The following PRDM13 variants were observed in gnomAD, a reference collection of about 807,000 sequenced individuals.
PRDM13 encodes PR/SET domain 13.
A neutral mutation model predicts 36.4 loss-of-function variants in PRDM13; 15 were observed. That is an observed-to-expected ratio of 0.41 (90% CI 0.28 to 0.64). PRDM13 has a LOEUF of 0.64. Among genes scored for constraint, PRDM13 ranks in the 30% least tolerant of loss-of-function variants. PRDM13 has a pLI of 0.29. For synonymous variants in PRDM13, 531 were observed against 467.7 expected, an observed-to-expected ratio of 1.14 and a Z score of -1.75; for missense variants, 1,044 against 1,013.5, an observed-to-expected ratio of 1.03 and a Z score of -0.41.
rs753136189 is a variant in PRDM13, at chr6:99,614,610, C to T, written c.1975C>T (p.Leu659Phe). Residue 659 changes from leucine to phenylalanine, a missense_variant, in exon 4 of 4, where the codon CTC becomes TTC. By Grantham distance (22) the Leu-to-Phe change is conservative. This residue lies in a region of PRDM13 where 115 missense variants were observed against 122.1 expected (regional missense o/e 0.94). Transcript: ENST00000369215. Reference protein sequence around the residue: ...VKSRHPGQSLLAKAGDGPGAE... With the variant: ...VKSRHPGQSLFAKAGDGPGAE... Reference sequence around the variant, plus strand: ...GTCCCGCCACCCTGGCCAGAGTCTGCTCGCCAAAGCGGGCGACGGCCCGGG... The same window carrying T: ...GTCCCGCCACCCTGGCCAGAGTCTGTTCGCCAAAGCGGGCGACGGCCCGGG... 15 of 1,612,466 alleles carry T rather than the reference C, an allele frequency of 9.3e-6. No homozygotes were observed. The highest frequency in any genetic ancestry group is 1.3e-5 in the Non-Finnish European group (15 of 1,179,826).
Position 99,611,871 on chromosome 6 carries a change from C to T in PRDM13, c.398-1162C>T, listed in dbSNP as rs78247956. ...CATCTTTCCCTTCAGTATTATCAAT[C>T]AACCACATTTTAAAAGAAACCCAAC... On this transcript the variant is annotated intron_variant, in intron 3 of 3. Coordinates refer to ENST00000369215, the MANE Select transcript of PRDM13 (RefSeq NM_021620.4). 8.5e-3 allele frequency among the ~76,000 whole-genome samples: 1,291 copies of T among 152,272 alleles called. 22 individuals carry two copies. Among genetic ancestry groups the T allele is most frequent in the African/African-American group, 0.029 (1,186 of 41,554 alleles).
At chr6:99,609,807 G>A (rs969312833) in intron 3 of PRDM13, among the ~76,000 whole-genome samples, 1 of 152,048 alleles carries the variant, frequency 6.6e-6, no homozygotes, top group South Asian at 2.1e-4. Flanking sequence ...GATCACTTGA[G>A]CCCAGGAGGT....
rs1278208100 is a variant in PRDM13, at chr6:99,613,283, A to G, written c.648A>G (p.Pro216=). 1.9e-6 allele frequency: 3 copies of G among 1,589,506 alleles called. No individual in the cohort carries two copies. Among genetic ancestry groups the G allele is most frequent in the African/African-American group, 1.3e-5 (1 of 74,474 alleles). The part of the protein sequence containing the change: ...GTLRPHPLGP[P]PVQACGAREG... ...TGCGACCCCACCCCCTGGGCCCGCC[A>G]CCAGTTCAGGCCTGCGGTGCGCGGG... Residue 216 remains proline (P), a synonymous_variant, in exon 4 of 4, where the codon CCA becomes CCG. Transcript: ENST00000369215. This position sits in a 1 kb window ranked among gnomAD's most constrained non-coding sequence, Gnocchi z 6.1.
In PRDM13 at chr6:99,614,060, C is replaced by A; in HGVS notation, c.1425C>A (p.Ala475=). 1 of 1,607,260 alleles carries A rather than the reference C, an allele frequency of 6.2e-7. No homozygotes were observed. The highest frequency in any genetic ancestry group is 8.5e-7 in the Non-Finnish European group (1 of 1,177,814). The change falls in exon 4 of 4, where the codon GCC becomes GCA. Residue 475 remains alanine, a synonymous_variant. Coordinates refer to ENST00000369215, the MANE Select transcript of PRDM13 (RefSeq NM_021620.4). The part of the protein sequence containing the change: ...YNGELLYGSP[A]TTAYYPLKLH... ...GGGAGCTGCTCTACGGCTCACCGGC[C>A]ACCACCGCTTATTACCCGCTCAAAT...
chr6:99,612,292 A>G (rs1338082166), intron 3 of PRDM13, among the ~76,000 whole-genome samples: 1 of 152,218 alleles, frequency 6.6e-6, no homozygotes, highest in East Asian at 1.9e-4. Context: ...TTAGATTATC[A>G]TCACCCTTTT....
At chr6:99,609,703 T>G (rs1770004652) in intron 3 of PRDM13, among the ~76,000 whole-genome samples, 1 of 151,952 alleles carries the variant, frequency 6.6e-6, no homozygotes, top group African/African-American at 2.4e-5. Flanking sequence ...CTGGGCAACA[T>G]AGTGAGACCT....
In PRDM13 at chr6:99,614,604, A is replaced by T. The variant is rs1583617286; in HGVS notation, c.1969A>T (p.Ser657Cys). The T allele has an allele frequency of 1.2e-6, 2 of 1,612,598 alleles. No homozygotes were observed. Among genetic ancestry groups the T allele is most frequent in the African/African-American group, 2.7e-5 (2 of 75,040 alleles). ...RHVKSRHPGQ[S>C]LLAKAGDGPG... ...TGTCAAGTCCCGCCACCCTGGCCAGAGTCTGCTCGCCAAAGCGGGCGACGG... is the reference window on the plus strand; with the variant it reads ...TGTCAAGTCCCGCCACCCTGGCCAGTGTCTGCTCGCCAAAGCGGGCGACGG... Residue 657 changes from serine to cysteine, a missense_variant, in exon 4 of 4, where the codon AGT (serine) becomes TGT (cysteine). By Grantham distance (112) the Ser-to-Cys change is moderately radical. This residue lies in a region of PRDM13 where 115 missense variants were observed against 122.1 expected (regional missense o/e 0.94). Coordinates refer to ENST00000369215, the MANE Select transcript of PRDM13 (RefSeq NM_021620.4).
At position 99,613,706 on chromosome 6, in the gene PRDM13, C is replaced by T. The variant is rs1366837773; in HGVS notation, c.1071C>T (p.His357=). The T allele has an allele frequency of 2.0e-6, 3 of 1,481,488 alleles. No homozygotes were observed. The highest frequency in any genetic ancestry group is 2.9e-5 in the East Asian group (1 of 34,902). The allele number at this position is 1,481,488 out of a possible 1,614,324, so 91.8% of individuals were successfully genotyped here. The change falls in exon 4 of 4, where the codon CAC becomes CAT. Residue 357 remains histidine, a synonymous_variant. Coordinates refer to ENST00000369215, the MANE Select transcript of PRDM13 (RefSeq NM_021620.4). The surrounding 1 kb of genome is among the most constrained non-coding windows in gnomAD (Gnocchi z 6.1). ...GCGCGGGTCACCACCATCACCACCA[C>T]GCGCACCACCACCACCATCCCAAGT... ...AGGAGHHHHH[H]AHHHHHPKCL... is the part of the protein sequence containing the mutation.
At position 99,606,934 on chromosome 6, in the gene PRDM13, C is replaced by T. The variant is rs1769953183; in HGVS notation, c.-101C>T. 2.1e-6 allele frequency: 3 copies of T among 1,395,878 alleles called. No individual in the cohort carries two copies. The highest frequency in any genetic ancestry group is 2.6e-5 in the East Asian group (1 of 38,078). The allele number at this position is 1,395,878 out of a possible 1,614,324, so 86.5% of individuals were successfully genotyped here. On this transcript the variant is annotated 5_prime_UTR_variant, in exon 1 of 4. Coordinates refer to ENST00000369215, the MANE Select transcript of PRDM13 (RefSeq NM_021620.4). ...CACTCCGCGGGCGGAGGACGCACGT[C>T]GGGGCGCGGCTCTCTGGCTAGCGCG...
Position 99,615,095 on chromosome 6 carries a change from G to A in PRDM13, c.*336G>A. 3.0e-6 allele frequency: 1 copy of A among 335,608 alleles called. No individual in the cohort carries two copies. The allele number at this position is 335,608 out of a possible 1,614,324, so 20.8% of individuals were successfully genotyped here. A position where few individuals can be genotyped will look rare whatever the true frequency, so the allele number is the denominator to read the frequency against. ...GAATCACATCAATGCGAACGTCACA[G>A]CGCCTTCGAGGGCGCAGATTTTAAC... is the stretch of plus-strand genomic sequence containing the variant. On this transcript the variant is annotated 3_prime_UTR_variant, in exon 4 of 4. Coordinates refer to ENST00000369215, the MANE Select transcript of PRDM13 (RefSeq NM_021620.4).
At position 99,613,911 on chromosome 6, in the gene PRDM13, G is replaced by C; in HGVS notation, c.1276G>C (p.Ala426Pro). ...PGARYAQLPPAPGLPLERCAL... is the reference protein window; with the variant it reads ...PGARYAQLPPPPGLPLERCAL... ...AGCGCGTTATGCGCAGCTGCCCCCT[G>C]CGCCGGGGTTGCCCCTCGAGCGCTG... is the stretch of plus-strand genomic sequence containing the variant. Residue 426 changes from alanine (A) to proline (P), a missense_variant, in exon 4 of 4, where the codon GCG (alanine) becomes CCG (proline). Transcript: ENST00000369215. This position sits in a 1 kb window ranked among gnomAD's most constrained non-coding sequence, Gnocchi z 6.1. 1.3e-6 allele frequency: 2 copies of C among 1,584,480 alleles called. No individual in the cohort carries two copies. The highest frequency in any genetic ancestry group is 1.7e-6 in the Non-Finnish European group (2 of 1,170,760).
chr6:99,611,344 G>A (rs1770028578), intron 3 of PRDM13, among the ~76,000 whole-genome samples: 1 of 152,068 alleles, frequency 6.6e-6, no homozygotes, highest in African/African-American at 2.4e-5. Flanking sequence ...TTCAAAAGGG[G>A]TGATGAGAGA....
rs757654294 is a variant in PRDM13, at chr6:99,614,155, T to G, written c.1520T>G (p.Leu507Arg). 2.5e-6 allele frequency: 4 copies of G among 1,600,858 alleles called. No homozygotes were observed. The African/African-American group carries it at 4.0e-5, about 16-fold the overall frequency. Residue 507 changes from leucine (L) to arginine (R), a missense_variant, in exon 4 of 4, where the codon CTA becomes CGA. This residue lies in a region of PRDM13 where 921 missense variants were observed against 865.2 expected (regional missense o/e 1.06). Coordinates refer to ENST00000369215, the MANE Select transcript of PRDM13 (RefSeq NM_021620.4). ...SYFSGPAAAA[L>R]SPAELGSLAS... ...TTCAGCGGGCCTGCAGCGGCCGCCC[T>G]AAGCCCCGCCGAGCTGGGGTCGCTG...
chr6:99,611,725 T>C (rs1386423352), intron 3 of PRDM13, among the ~76,000 whole-genome samples: 1 of 152,228 alleles, frequency 6.6e-6, no homozygotes, highest in African/African-American at 2.4e-5. Flanking sequence ...TCTGTAGTAA[T>C]ATTTCAGAAG....
rs376263980 is a variant in PRDM13, at chr6:99,609,561, G to C, written c.397+254G>C. Among the ~76,000 whole-genome samples, 3 of 152,212 alleles carry C rather than the reference G, an allele frequency of 2.0e-5. No homozygotes were observed. The East Asian group carries it at 5.8e-4, about 29-fold the overall frequency. On this transcript the variant is annotated intron_variant, in intron 3 of 3. Coordinates refer to ENST00000369215, the MANE Select transcript of PRDM13 (RefSeq NM_021620.4). ...TTAATGGGGCCATCCTTTTTCTGTTGCATATTCAAACAGACCATTATTTAC... is the reference window on the plus strand; with the variant it reads ...TTAATGGGGCCATCCTTTTTCTGTTCCATATTCAAACAGACCATTATTTAC...
At position 99,613,700 on chromosome 6, in the gene PRDM13, C is replaced by T. The variant is rs1456205421; in HGVS notation, c.1065C>T (p.His355=). The part of the protein sequence containing the change: ...SAAGGAGHHH[H]HHAHHHHHPK... ...CGGGCGGCGCGGGTCACCACCATCACCACCACGCGCACCACCACCACCATC... is the reference window on the plus strand; with the variant it reads ...CGGGCGGCGCGGGTCACCACCATCATCACCACGCGCACCACCACCACCATC... The change falls in exon 4 of 4, where the codon CAC becomes CAT. Residue 355 remains histidine, a synonymous_variant. Transcript: ENST00000369215. The surrounding 1 kb of genome is among the most constrained non-coding windows in gnomAD (Gnocchi z 6.1). The T allele has an allele frequency of 1.4e-6, 2 of 1,477,056 alleles. No homozygotes were observed. The highest frequency in any genetic ancestry group is 1.3e-5 in the South Asian group (1 of 76,858). The allele number at this position is 1,477,056 out of a possible 1,614,324, so 91.5% of individuals were successfully genotyped here.
chr6:99,613,697 TCACCACCACGCGCACCAC>T lies in PRDM13; in HGVS notation c.1071_1088del (p.Ala358_His363del). 7.0e-7 allele frequency: 1 copy of T among 1,430,444 alleles called. No homozygotes were observed. The highest frequency in any genetic ancestry group is 9.1e-7 in the Non-Finnish European group (1 of 1,096,558). The allele number at this position is 1,430,444 out of a possible 1,614,324, so 88.6% of individuals were successfully genotyped here. A position where few individuals can be genotyped will look rare whatever the true frequency, so the allele number is the denominator to read the frequency against. ...CGGCGGGCGGCGCGGGTCACCACCA[TCACCACCACGCGCACCAC>T]CACCACCATCCCAAGTGCCTGCTCG... On this transcript the variant is annotated inframe_deletion, in exon 4 of 4. Coordinates refer to ENST00000369215, the MANE Select transcript of PRDM13 (RefSeq NM_021620.4). The surrounding 1 kb of genome is among the most constrained non-coding windows in gnomAD (Gnocchi z 6.1).
chr6:99,606,980 G>C lies in PRDM13; in HGVS notation c.-55G>C. ...GCGCGCAGCTCCAGCTCTGTCACTC[G>C]CGCCCTTCCAAGGACCTGGAGCACC... On this transcript the variant is annotated 5_prime_UTR_variant, in exon 1 of 4. Transcript: ENST00000369215. 2 of 1,531,340 alleles carry C rather than the reference G, an allele frequency of 1.3e-6. No homozygotes were observed. The highest frequency in any genetic ancestry group is 2.5e-5 in the South Asian group (2 of 79,238). The allele number at this position is 1,531,340 out of a possible 1,614,324, so 94.9% of individuals were successfully genotyped here.
Position 99,613,132 on chromosome 6 carries a change from G to A in PRDM13, c.497G>A (p.Gly166Glu). ...LRFHCVFSGG[G>E]GGAFLHHEHA... ...TTCCACTGCGTGTTCAGCGGCGGTG[G>A]AGGCGGCGCCTTCCTGCACCACGAA... The change falls in exon 4 of 4, where the codon GGA (glycine) becomes GAA (glutamate). Residue 166 changes from glycine (G) to glutamate (E), a missense_variant. By Grantham distance (98) the Gly-to-Glu change is moderately conservative (BLOSUM62 -2). Coordinates refer to ENST00000369215, the MANE Select transcript of PRDM13 (RefSeq NM_021620.4). The surrounding 1 kb of genome is among the most constrained non-coding windows in gnomAD (Gnocchi z 6.1). 1 of 1,613,318 alleles carries A rather than the reference G, an allele frequency of 6.2e-7. No homozygotes were observed. The highest frequency in any genetic ancestry group is 8.5e-7 in the Non-Finnish European group (1 of 1,180,004).
Sources: gnomAD v4.1 joint callset for allele counts (sites outside exome capture counted in the v4.1 genomes callset) on GRCh38, gnomAD v4.1.1 for gene constraint, gnomAD v4.1.1 regional missense constraint, Gnocchi (gnomAD v3.1) non-coding constraint, MANE v1.5 for transcripts, NCBI Gene and HGNC (gene_info 2026-07-23, HGNC 2026-07-21) for gene names.